FHOD3: variants seen among roughly 807,000 people sequenced by gnomAD.
FHOD3 encodes FH1/FH2 domain-containing protein 3.
In FHOD3, 90 loss-of-function variants were observed where a neutral mutation model predicts 173.0. The observed-to-expected ratio is 0.52, with a 90% CI of 0.44 to 0.62. The LOEUF (loss-of-function observed/expected upper bound fraction) is 0.62, where lower values mean the gene tolerates loss of function less well. Ranked by LOEUF, FHOD3 falls within the 20% of genes least tolerant of loss-of-function variation. FHOD3 has a pLI of 0.00. For missense variants in FHOD3, 1,945 were observed against 2,034.7 expected, an observed-to-expected ratio of 0.96 and a Z score of 0.85; for synonymous variants, 828 against 823.0, an observed-to-expected ratio of 1.01 and a Z score of -0.10.
intron 8 of FHOD3, among the ~76,000 whole-genome samples, chr18:36,605,307 C>T (rs1402712527): frequency 1.3e-5 from 2 of 152,146 alleles, no homozygotes; most frequent in Non-Finnish European, 2.9e-5. Context: ...AGGCCATTCC[C>T]AGCTATTCTT....
At chr18:36,542,472 G>T (rs185910780) in intron 5 of FHOD3, among the ~76,000 whole-genome samples, 98 of 152,094 alleles carry the variant, frequency 6.4e-4, no homozygotes, top group African/African-American at 2.2e-3. Flanking sequence ...TAAAGGAAAG[G>T]CCACTCAATT....
chr18:36,744,171 G>T lies in FHOD3; in HGVS notation c.4019G>T (p.Gly1340Val), dbSNP rs1283880393. 6.2e-7 allele frequency: 1 copy of T among 1,613,712 alleles called. No homozygotes were observed. Among genetic ancestry groups the T allele is most frequent in the East Asian group, 2.2e-5 (1 of 44,884 alleles). Residue 1340 changes from glycine (G) to valine (V), a missense_variant, in exon 23 of 29, where the codon GGG becomes GTG. Gly to Val is a moderately radical substitution (Grantham distance 109). Transcript: ENST00000590592. The stretch of plus-strand genomic sequence containing the variant: ...AGCTCCGATCTGTACTCGGAGATCG[G>T]GGCCATCACCAGGTCAGCCAAGGTA... ...PDSSDLYSEI[G>V]AITRSAKVDF...
At chr18:36,311,624 G>A (rs2092260034) in intron 1 of FHOD3, among the ~76,000 whole-genome samples, 1 of 152,152 alleles carries the variant, frequency 6.6e-6, no homozygotes, top group South Asian at 2.1e-4. Context: ...CAGCATTGTA[G>A]TCCCTTCCCT....
rs1209948283 is a variant in FHOD3, at chr18:36,314,744, C to T, written c.165+16744C>T. 4.6e-5 allele frequency among the ~76,000 whole-genome samples: 7 copies of T among 152,134 alleles called. No homozygotes were observed. The South Asian group carries it at 1.2e-3, about 27-fold the overall frequency. On this transcript the variant is annotated intron_variant, in intron 1 of 28. Coordinates refer to ENST00000590592, the MANE Select transcript of FHOD3 (RefSeq NM_001281740.3). ...ATGCGTGCAGCCTGGGGACCTGCCT[C>T]AAATGAAAAACCAGAGTCTATCTTT...
At chr18:36,591,706 C>A (rs1382983750) in intron 6 of FHOD3, among the ~76,000 whole-genome samples, 1 of 150,784 alleles carries the variant, frequency 6.6e-6, no homozygotes, top group African/African-American at 2.4e-5. Flanking sequence ...TTGCTGGATC[C>A]CAGGAGTTTA....
At chr18:36,763,634 T>G (rs2043016791) in intron 27 of FHOD3, among the ~76,000 whole-genome samples, 1 of 147,522 alleles carries the variant, frequency 6.8e-6, no homozygotes, top group Admixed American at 6.8e-5. Context: ...ACGTTATATA[T>G]AATATATGTG....
At chr18:36,516,476 G>A (rs1476688480) in intron 5 of FHOD3, among the ~76,000 whole-genome samples, 2 of 152,170 alleles carry the variant, frequency 1.3e-5, no homozygotes, top group Non-Finnish European at 2.9e-5. Context: ...AGTGGCGAGG[G>A]CCTGTGTATA....
At chr18:36,459,493 T>C (rs1156806245) in intron 3 of FHOD3, among the ~76,000 whole-genome samples, 1 of 152,084 alleles carries the variant, frequency 6.6e-6, no homozygotes, top group Non-Finnish European at 1.5e-5. Context: ...TGGGTCCTCC[T>C]ATGAAACCTT....
chr18:36,449,158 G>A (rs2051674964), intron 3 of FHOD3, among the ~76,000 whole-genome samples: 1 of 152,020 alleles, frequency 6.6e-6, no homozygotes, highest in Non-Finnish European at 1.5e-5. Context: ...GGAGCTATTT[G>A]GGGGCACTGT....
At chr18:36,392,244 G>A (rs959699206) in intron 3 of FHOD3, among the ~76,000 whole-genome samples, 16 of 152,186 alleles carry the variant, frequency 1.1e-4, no homozygotes, top group African/African-American at 3.6e-4. Flanking sequence ...ACCCAGCACA[G>A]AGTAAGCACT....
At chr18:36,436,593 T>C (rs1419876767) in intron 3 of FHOD3, among the ~76,000 whole-genome samples, 1 of 152,228 alleles carries the variant, frequency 6.6e-6, no homozygotes, top group Non-Finnish European at 1.5e-5. Flanking sequence ...ATGATCTTAA[T>C]ATTGCACATC....
intron 27 of FHOD3, 134 bp from the exon 28 acceptor site, chr18:36,769,131 C>T: frequency 9.9e-7 from 1 of 1,011,592 alleles, no homozygotes; most frequent in Admixed American, 2.4e-5. Context: ...CTATCACTAG[C>T]TCTGGGGCTT....
At chr18:36,619,328 G>T (rs1445129011) in intron 9 of FHOD3, among the ~76,000 whole-genome samples, 1 of 152,150 alleles carries the variant, frequency 6.6e-6, no homozygotes, top group East Asian at 1.9e-4. Flanking sequence ...AGCCACACAT[G>T]AAATGCAACC....
intron 15 of FHOD3, among the ~76,000 whole-genome samples, chr18:36,685,054 C>T (rs1349145910): frequency 6.6e-6 from 1 of 152,196 alleles, no homozygotes; most frequent in Admixed American, 6.5e-5. Flanking sequence ...ATCCTTCTGC[C>T]TCAACCTCTT....
At chr18:36,680,777 A>G (rs960192644) in intron 14 of FHOD3, among the ~76,000 whole-genome samples, 2 of 152,256 alleles carry the variant, frequency 1.3e-5, no homozygotes, top group African/African-American at 4.8e-5. Context: ...AATTCTATTC[A>G]CATTTCAGCC....
chr18:36,477,582 CCTACCTACCTACCTACCTATCTACCTAT>C (rs1464612941), intron 3 of FHOD3, among the ~76,000 whole-genome samples: 23 of 144,574 alleles, frequency 1.6e-4, no homozygotes, highest in African/African-American at 5.8e-4. Context: ...TACCTACCTA[CCTACCTACCTACCTACCTATCTACCTAT>C]CTATCTATAT....
chr18:36,516,691 C>T (rs1479991728), intron 5 of FHOD3, among the ~76,000 whole-genome samples: 1 of 152,196 alleles, frequency 6.6e-6, no homozygotes. Context: ...TTACAGTGAG[C>T]TATATTTGCA....
rs541623085 is a variant in FHOD3 at position 36,365,579 on chromosome 18, A to C, written c.273-7101A>C. 1.6e-4 allele frequency among the ~76,000 whole-genome samples: 24 copies of C among 152,300 alleles called. No individual in the cohort carries two copies. The South Asian group carries it at 4.8e-3, about 30-fold the overall frequency. The stretch of plus-strand genomic sequence containing the variant: ...GGGGGTGTTTTTGCATTGATGAAAA[A>C]GTTAAAAAAGTTAGATTGTAATGAC... On this transcript the variant is annotated intron_variant, in intron 2 of 28. Transcript: ENST00000590592.
intron 1 of FHOD3, among the ~76,000 whole-genome samples, chr18:36,315,069 G>A (rs1464166671): frequency 2.6e-5 from 4 of 152,124 alleles, no homozygotes; most frequent in East Asian, 1.9e-4. Context: ...CATGGGCCTC[G>A]TCTCCAGGAA....
Sources: allele counts gnomAD v4.1 joint callset (sites outside exome capture counted in the v4.1 genomes callset), GRCh38; gene constraint gnomAD v4.1.1; transcripts MANE v1.5; gene names NCBI Gene and HGNC (gene_info 2026-07-23, HGNC 2026-07-21).